RGS6: variants seen among roughly 807,000 people sequenced by gnomAD.
RGS6 encodes regulator of G-protein signaling 6.
RGS6 carries 30 observed loss-of-function variants against 78.5 expected under a neutral mutation model. The ratio of observed to expected loss-of-function variants is 0.38; its 90% confidence interval spans 0.29 to 0.52. The LOEUF (loss-of-function observed/expected upper bound fraction) is 0.52, where lower values mean the gene tolerates loss of function less well. RGS6 is among the 20% of genes least tolerant of loss of function. The probability of loss-of-function intolerance (pLI) is 0.85; values close to 1 mark genes in which losing one functional copy is unlikely to be tolerated. For missense variants in RGS6, 495 were observed against 609.7 expected, an observed-to-expected ratio of 0.81 and a Z score of 1.98; for synonymous variants, 206 against 206.0, an observed-to-expected ratio of 1.00 and a Z score of 0.00.
intron 2 of RGS6, among the ~76,000 whole-genome samples, chr14:72,317,885 T>C (rs1489313295): frequency 1.3e-5 from 2 of 152,156 alleles, no homozygotes; most frequent in East Asian, 1.9e-4. Flanking sequence ...GGTCCCACAA[T>C]AGGCTGTCTG....
Position 72,237,489 on chromosome 14 carries a change from A to G in RGS6, c.85-114606A>G, listed in dbSNP as rs151022120. On this transcript the variant is annotated intron_variant, in intron 2 of 17. Coordinates refer to ENST00000553525, the MANE Select transcript of RGS6 (RefSeq NM_001204424.2). ...CAGTACACCAGACGTTTTCTTCCTC[A>G]TCTGTTCTCAGATGAGCTTCGTAAC... is the stretch of plus-strand genomic sequence containing the variant. 3.1e-3 allele frequency among the ~76,000 whole-genome samples: 476 copies of G among 152,240 alleles called. 3 individuals are homozygous for G. The highest frequency in any genetic ancestry group is 0.011 in the African/African-American group (452 of 41,530).
intron 2 of RGS6, among the ~76,000 whole-genome samples, chr14:72,020,801 C>T (rs1412367160): frequency 6.6e-6 from 1 of 152,180 alleles, no homozygotes; most frequent in Non-Finnish European, 1.5e-5. Flanking sequence ...CTCTTGGAAC[C>T]TATGTTTTAT....
intron 2 of RGS6, among the ~76,000 whole-genome samples, chr14:72,300,249 T>C (rs1240007830): frequency 6.6e-6 from 1 of 152,134 alleles, no homozygotes; most frequent in Non-Finnish European, 1.5e-5. Flanking sequence ...CCAAACTCTA[T>C]ACCCATAAAA....
chr14:72,059,037 G>A (rs181460661), intron 2 of RGS6, among the ~76,000 whole-genome samples: 3 of 152,104 alleles, frequency 2.0e-5, no homozygotes, highest in Non-Finnish European at 2.9e-5. Context: ...CCAAGTAGCC[G>A]GGACTACAGG....
chr14:72,470,918 C>G (rs1412980099), intron 8 of RGS6, among the ~76,000 whole-genome samples: 1 of 151,152 alleles, frequency 6.6e-6, no homozygotes, highest in East Asian at 1.9e-4. Flanking sequence ...GGGCGTGACA[C>G]TGGATATGTG....
chr14:71,930,179 A>G (rs1490768813), upstream of RGS6, among the ~76,000 whole-genome samples: 1 of 147,676 alleles, frequency 6.8e-6, no homozygotes, highest in Non-Finnish European at 1.5e-5. Flanking sequence ...CTATCTATCT[A>G]TAATCTCTTT....
At chr14:71,904,718 G>A in the RGS6 span, among the ~76,000 whole-genome samples, 1 of 152,138 alleles carries the variant, frequency 6.6e-6, no homozygotes, top group African/African-American at 2.4e-5. Context: ...CTACTTTGCA[G>A]TTATTTCTGA....
chr14:72,377,725 C>T (rs528880398), intron 3 of RGS6, among the ~76,000 whole-genome samples: 35 of 152,222 alleles, frequency 2.3e-4, no homozygotes, highest in African/African-American at 7.5e-4. Context: ...GCACTATAAT[C>T]CCAGCACTTT....
In RGS6 at chr14:72,418,121, C is replaced by T. The variant is rs373844713; in HGVS notation, c.185-36407C>T. Among the ~76,000 whole-genome samples the T allele has an allele frequency of 3.5e-4, 54 of 152,124 alleles. No individual in the cohort carries two copies. The East Asian group carries it at 8.5e-3, about 24-fold the overall frequency. The stretch of plus-strand genomic sequence containing the variant: ...AGATCTAGGTAGTATGGGAAAAGAC[C>T]ATGAAGCGGACACATCATCTGTACT... On this transcript the variant is annotated intron_variant, in intron 3 of 17. Transcript: ENST00000553525.
chr14:72,319,117 A>C (rs993114783), intron 2 of RGS6, among the ~76,000 whole-genome samples: 2 of 152,336 alleles, frequency 1.3e-5, no homozygotes, highest in Middle Eastern at 3.4e-3. Flanking sequence ...ATGACACTAC[A>C]AAGATATTAT....
chr14:72,044,822 G>A (rs145962779), intron 2 of RGS6, among the ~76,000 whole-genome samples: 6,628 of 152,150 alleles, frequency 0.044, 180 homozygotes, highest in African/African-American at 0.077. Flanking sequence ...GCAGTGAGCC[G>A]AGATGATGCC....
At chr14:72,230,075 G>A (rs1450785727) in intron 2 of RGS6, among the ~76,000 whole-genome samples, 1 of 152,154 alleles carries the variant, frequency 6.6e-6, no homozygotes, top group Middle Eastern at 3.2e-3. Flanking sequence ...TTGGAATTGG[G>A]GTATCAAATT....
chr14:72,250,018 C>G (rs896908841), intron 2 of RGS6, among the ~76,000 whole-genome samples: 1 of 142,738 alleles, frequency 7.0e-6, no homozygotes, highest in Non-Finnish European at 1.5e-5. Flanking sequence ...CATATTCTCA[C>G]TCATAGGTGG....
At chr14:72,422,729 G>T (rs928918944) in intron 3 of RGS6, among the ~76,000 whole-genome samples, 2 of 152,218 alleles carry the variant, frequency 1.3e-5, no homozygotes, top group Admixed American at 1.3e-4. Context: ...GGTGACAGAT[G>T]TGGGGGAATT....
At chr14:72,554,754 G>A (rs2097548130) in intron 17 of RGS6, among the ~76,000 whole-genome samples, 1 of 152,248 alleles carries the variant, frequency 6.6e-6, no homozygotes, top group South Asian at 2.1e-4. Flanking sequence ...GGAGAGAAGA[G>A]AGAGCTGGTG....
chr14:72,544,209 G>T (rs1015171026), intron 17 of RGS6, among the ~76,000 whole-genome samples: 1 of 152,226 alleles, frequency 6.6e-6, no homozygotes, highest in African/African-American at 2.4e-5. Context: ...TGTTGAGATA[G>T]ATACTGGCTG....
intron 2 of RGS6, among the ~76,000 whole-genome samples, chr14:72,096,599 G>A (rs570873371): frequency 1.3e-5 from 2 of 152,188 alleles, no homozygotes; most frequent in Non-Finnish European, 2.9e-5. Flanking sequence ...GAGCTCAGCC[G>A]GGTGGTTCTC....
intron 2 of RGS6, among the ~76,000 whole-genome samples, chr14:72,191,605 T>C (rs1412968667): frequency 6.6e-6 from 1 of 152,220 alleles, no homozygotes; most frequent in Non-Finnish European, 1.5e-5. Context: ...TCAGATCTCA[T>C]GATCTGTGAC....
chr14:71,972,846 T>A (rs575387390), intron 2 of RGS6, among the ~76,000 whole-genome samples: 42 of 152,184 alleles, frequency 2.8e-4, no homozygotes, highest in Middle Eastern at 3.4e-3. Flanking sequence ...GTAGGGAGAA[T>A]TTGAGAATAA....
Sources: allele counts gnomAD v4.1 joint callset (sites outside exome capture counted in the v4.1 genomes callset), GRCh38; gene constraint gnomAD v4.1.1; transcripts MANE v1.5; gene names NCBI Gene and HGNC (gene_info 2026-07-23, HGNC 2026-07-21).